ZFYVE9: variants seen among roughly 807,000 people sequenced by gnomAD.
The protein encoded by ZFYVE9 is zinc finger FYVE domain-containing protein 9.
In ZFYVE9, 43 loss-of-function variants were observed where a neutral mutation model predicts 126.7. The ratio of observed to expected loss-of-function variants is 0.34; its 90% CI spans 0.27 to 0.44. The LOEUF is 0.44. ZFYVE9 is among the 20% of genes least tolerant of loss of function. The probability of loss-of-function intolerance (pLI) is 1.00; values close to 1 mark genes in which losing one functional copy is unlikely to be tolerated. For synonymous variants in ZFYVE9, 521 were observed against 597.4 expected (o/e 0.87, Z 1.87); for missense variants, 1,476 against 1,697.0 (o/e 0.87, Z 2.29).
rs551207041 is a variant in ZFYVE9, at chr1:52,304,793, A to AT, written c.3438+881dup. Among the ~76,000 whole-genome samples, 1,415 of 143,140 alleles carry AT rather than the reference A, an allele frequency of 9.9e-3. 10 individuals carry two copies. Among genetic ancestry groups the AT allele is most frequent in the African/African-American group, 0.031 (1,215 of 39,166 alleles). The allele number at this position is 143,140 out of a possible 152,430, so 93.9% of individuals were successfully genotyped here. A position where few individuals can be genotyped will look rare whatever the true frequency, so the allele number is the denominator to read the frequency against. On this transcript the variant is annotated intron_variant, in intron 13 of 18. Coordinates refer to ENST00000287727, the MANE Select transcript of ZFYVE9 (RefSeq NM_004799.4). ...GCTTTTAGCCATGACTTTCCACGTG[A>AT]TTTTTTTTTTTTTAAGGATATTAGA...
At chr1:52,197,799 A>G (rs962231710) in intron 1 of ZFYVE9, among the ~76,000 whole-genome samples, 2 of 152,232 alleles carry the variant, frequency 1.3e-5, no homozygotes, top group East Asian at 3.8e-4. Context: ...GCCAGAGAAG[A>G]GTGAGAGCAT....
intron 7 of ZFYVE9, among the ~76,000 whole-genome samples, chr1:52,273,967 ATTT>A (rs995657000): frequency 2.6e-5 from 4 of 152,146 alleles, no homozygotes; most frequent in African/African-American, 9.7e-5. Flanking sequence ...AATTTTAACA[ATTT>A]TTAAGTGAAT....
intron 1 of ZFYVE9, among the ~76,000 whole-genome samples, chr1:52,208,026 A>G (rs1007638590): frequency 6.6e-6 from 1 of 152,232 alleles, no homozygotes; most frequent in Admixed American, 6.5e-5. Context: ...CAGCTATTAA[A>G]CAATATAGCA....
intron 1 of ZFYVE9, among the ~76,000 whole-genome samples, chr1:52,159,035 G>A (rs371742689): frequency 3.0e-4 from 45 of 152,124 alleles, no homozygotes; most frequent in South Asian, 6.2e-4. Context: ...CTCGTGATCC[G>A]CCCGCCTCGG....
At chr1:52,154,815 C>T (rs1644386800) in intron 1 of ZFYVE9, among the ~76,000 whole-genome samples, 2 of 152,172 alleles carry the variant, frequency 1.3e-5, no homozygotes, top group African/African-American at 4.8e-5. Flanking sequence ...AAGGTCACCC[C>T]TAAGTGTGGC....
At chr1:52,305,923 CA>C (rs903507492) in intron 13 of ZFYVE9, among the ~76,000 whole-genome samples, 1 of 152,200 alleles carries the variant, frequency 6.6e-6, no homozygotes, top group Non-Finnish European at 1.5e-5. Flanking sequence ...GGACTTTGGG[CA>C]CTGACAAACA....
At chr1:52,261,956 A>G (rs192068037) in intron 4 of ZFYVE9, among the ~76,000 whole-genome samples, 63 of 152,356 alleles carry the variant, frequency 4.1e-4, no homozygotes, top group African/African-American at 1.5e-3. Flanking sequence ...GAGCCATTGC[A>G]GTCATACAGA....
intron 1 of ZFYVE9, among the ~76,000 whole-genome samples, chr1:52,176,903 T>G (rs1335985187): frequency 6.6e-6 from 1 of 152,134 alleles, no homozygotes; most frequent in Non-Finnish European, 1.5e-5. Flanking sequence ...GTCACCCCTT[T>G]CCTTGACCAG....
chr1:52,292,599 G>A (rs1366037419), intron 10 of ZFYVE9, among the ~76,000 whole-genome samples: 1 of 150,872 alleles, frequency 6.6e-6, no homozygotes, highest in Non-Finnish European at 1.5e-5. Context: ...AGCCTCCTGA[G>A]TAGCTGGGAT....
At chr1:52,263,221 G>A (rs1055144187) in intron 4 of ZFYVE9, among the ~76,000 whole-genome samples, 3 of 152,136 alleles carry the variant, frequency 2.0e-5, no homozygotes, top group Admixed American at 1.3e-4. Context: ...TTGATTGCCT[G>A]CTGTGATTTC....
intron 13 of ZFYVE9, among the ~76,000 whole-genome samples, chr1:52,312,720 A>G (rs1302139310): frequency 1.3e-5 from 2 of 152,154 alleles, no homozygotes; most frequent in African/African-American, 2.4e-5. Flanking sequence ...TTGAAGTAAG[A>G]CCAAAGTTAT....
chr1:52,219,752 TGTGTGTG>T, intron 2 of ZFYVE9, among the ~76,000 whole-genome samples: 1 of 28,684 alleles, frequency 3.5e-5, no homozygotes, highest in South Asian at 1.1e-3. Flanking sequence ...AGATCTTTTG[TGTGTGTG>T]TGTGTGTGTG....
At chr1:52,237,252 C>G (rs763890681) in intron 3 of ZFYVE9, among the ~76,000 whole-genome samples, 1 of 152,036 alleles carries the variant, frequency 6.6e-6, no homozygotes, top group Non-Finnish European at 1.5e-5. Context: ...AATTATGTTA[C>G]TAGATTGAGG....
At chr1:52,146,276 C>G (rs1267959093) in intron 1 of ZFYVE9, among the ~76,000 whole-genome samples, 1 of 152,044 alleles carries the variant, frequency 6.6e-6, no homozygotes, top group African/African-American at 2.4e-5. Context: ...GTTCCTGGAA[C>G]CAGTCCTCCA....
intron 1 of ZFYVE9, among the ~76,000 whole-genome samples, chr1:52,203,967 T>C (rs1262883953): frequency 6.6e-6 from 1 of 152,200 alleles, no homozygotes; most frequent in Non-Finnish European, 1.5e-5. Flanking sequence ...GCACGCTGTC[T>C]ACCCGTTATA....
intron 2 of ZFYVE9, among the ~76,000 whole-genome samples, chr1:52,225,731 A>T (rs1557466888): frequency 1.3e-5 from 2 of 152,144 alleles, no homozygotes; most frequent in African/African-American, 2.4e-5. Flanking sequence ...TTGAAGAGGA[A>T]CTAAATTGTC....
intron 2 of ZFYVE9, among the ~76,000 whole-genome samples, chr1:52,217,116 C>T (rs1394580961): frequency 2.0e-5 from 3 of 152,316 alleles, no homozygotes; most frequent in South Asian, 4.1e-4. Flanking sequence ...AAGGGTGCTG[C>T]TTGCACCTAT....
intron 13 of ZFYVE9, among the ~76,000 whole-genome samples, chr1:52,330,992 A>C (rs2762820): frequency 6.6e-6 from 1 of 152,072 alleles, no homozygotes; most frequent in Non-Finnish European, 1.5e-5. Flanking sequence ...TCAGCCTCCC[A>C]AGTAGCTGGA....
At chr1:52,167,430 A>G (rs1162512155) in intron 1 of ZFYVE9, among the ~76,000 whole-genome samples, 1 of 152,224 alleles carries the variant, frequency 6.6e-6, no homozygotes, top group Middle Eastern at 3.2e-3. Flanking sequence ...GGATAAATGA[A>G]ATTGCACGTT....
Sources: gnomAD v4.1 joint callset for allele counts (sites outside exome capture counted in the v4.1 genomes callset) on GRCh38, gnomAD v4.1.1 for gene constraint, MANE v1.5 for transcripts, NCBI Gene and HGNC (gene_info 2026-07-23, HGNC 2026-07-21) for gene names.